The following NRG1 variants were observed in gnomAD, a reference collection of about 807,000 sequenced individuals.
NRG1 encodes the protein pro-neuregulin-1, membrane-bound isoform.
In NRG1, 18 loss-of-function variants were observed where a neutral mutation model predicts 63.8. The observed-to-expected ratio is 0.28, with a 90% CI of 0.19 to 0.42. The LOEUF (loss-of-function observed/expected upper bound fraction) is 0.42. Ranked by LOEUF, NRG1 falls within the 10% of genes least tolerant of loss-of-function variation. The probability of loss-of-function intolerance (pLI) is 1.00; values close to 1 mark genes in which losing one functional copy is unlikely to be tolerated. For synonymous variants in NRG1, 302 were observed against 301.3 expected, an observed-to-expected ratio of 1.00 and a Z score of -0.02; for missense variants, 762 against 814.7, an observed-to-expected ratio of 0.94 and a Z score of 0.79.
At chr8:31,652,402 T>C (rs1804942831) in intron 1 of NRG1, among the ~76,000 whole-genome samples, 1 of 152,248 alleles carries the variant, frequency 6.6e-6, no homozygotes, top group South Asian at 2.1e-4. Flanking sequence ...GAATAGATGG[T>C]ACTGTGCTTT....
In NRG1 at chr8:31,881,870, T is replaced by C. The variant is rs911305732; in HGVS notation, c.37+242439T>C. On this transcript the variant is annotated intron_variant, in intron 1 of 10. Transcript: ENST00000519301. ...AAGAAAAGTTGGAACCTGGCAGAGG[T>C]TGGTTCATGAGGTTTAAGGAAAGAA... is the stretch of plus-strand genomic sequence containing the variant. 3.9e-5 allele frequency among the ~76,000 whole-genome samples: 6 copies of C among 151,948 alleles called. No individual in the cohort carries two copies. In the East Asian group the frequency reaches 1.2e-3, roughly 29 times the overall value.
Position 32,071,553 on chromosome 8 carries a change from G to A in NRG1, c.37+432122G>A, listed in dbSNP as rs143014721. Reference sequence around the variant, plus strand: ...AATCATTCATGGCCCTTCCTTCTGCGCCGTTAACTAGGAAGTATAAAGTAC... The same window carrying A: ...AATCATTCATGGCCCTTCCTTCTGCACCGTTAACTAGGAAGTATAAAGTAC... On this transcript the variant is annotated intron_variant, in intron 1 of 10. Transcript: ENST00000519301. 4.6e-3 allele frequency among the ~76,000 whole-genome samples: 694 copies of A among 152,172 alleles called. 9 individuals are homozygous for A. The highest frequency in any genetic ancestry group is 7.3e-3 in the Non-Finnish European group (496 of 68,012).
chr8:31,710,912 T>C (rs779275554), intron 1 of NRG1, among the ~76,000 whole-genome samples: 2 of 152,144 alleles, frequency 1.3e-5, no homozygotes, highest in Non-Finnish European at 2.9e-5. Context: ...TCTTTCATTA[T>C]GTTGTCTGTG....
At chr8:32,341,736 G>A (rs1217068010) in intron 1 of NRG1, among the ~76,000 whole-genome samples, 1 of 152,178 alleles carries the variant, frequency 6.6e-6, no homozygotes, top group Admixed American at 6.5e-5. Flanking sequence ...TCGTTGAAGA[G>A]CAGATAAAGC....
intron 1 of NRG1, among the ~76,000 whole-genome samples, chr8:32,381,344 T>C (rs1563386295): frequency 6.6e-6 from 1 of 152,154 alleles, no homozygotes; most frequent in Non-Finnish European, 1.5e-5. Flanking sequence ...CACAGTCACA[T>C]CCACTCTCCT....
intron 1 of NRG1, among the ~76,000 whole-genome samples, chr8:31,709,817 G>C (rs1444722451): frequency 1.3e-5 from 2 of 151,014 alleles, no homozygotes; most frequent in Non-Finnish European, 3.0e-5. Context: ...TTTCATGTTT[G>C]TAGTTTGTTC....
intron 1 of NRG1, among the ~76,000 whole-genome samples, chr8:31,918,867 C>T (rs1833647746): frequency 1.3e-5 from 2 of 152,036 alleles, no homozygotes; most frequent in African/African-American, 4.8e-5. Flanking sequence ...TTGATTATTG[C>T]CACAATTTCA....
intron 1 of NRG1, among the ~76,000 whole-genome samples, chr8:32,491,993 A>G (rs372255545): frequency 2.6e-5 from 4 of 152,360 alleles, no homozygotes; most frequent in African/African-American, 9.6e-5. Context: ...TATATAACCA[A>G]GAAATATCAG....
At chr8:31,747,344 A>G (rs1259862242) in intron 1 of NRG1, among the ~76,000 whole-genome samples, 1 of 151,876 alleles carries the variant, frequency 6.6e-6, no homozygotes, top group Non-Finnish European at 1.5e-5. Context: ...GTGGGATTTC[A>G]CACAAGGCAC....
intron 1 of NRG1, among the ~76,000 whole-genome samples, chr8:32,409,884 G>C (rs1256552427): frequency 6.6e-6 from 1 of 152,148 alleles, no homozygotes; most frequent in Non-Finnish European, 1.5e-5. Flanking sequence ...CCGCAACCTT[G>C]CTGATGGATT....
chr8:31,788,361 T>C (rs954222647), intron 1 of NRG1, among the ~76,000 whole-genome samples: 2 of 152,130 alleles, frequency 1.3e-5, no homozygotes, highest in Non-Finnish European at 2.9e-5. Context: ...ACTTTCCCCA[T>C]GGTATTATTT....
chr8:32,587,930 G>GTTTTA lies in NRG1; in HGVS notation c.101-7894_101-7893insATTTT, dbSNP rs1364660560. 1.4e-4 allele frequency among the ~76,000 whole-genome samples: 22 copies of GTTTTA among 151,822 alleles called. No homozygotes were observed. The South Asian group carries it at 1.7e-3, about 11-fold the overall frequency. ...GGGTTTTTTTGTTTTGTTTTGTTTTGTTTTGTTTTGTTTTTTGAGACGGAC... is the reference window on the plus strand; with the variant it reads ...GGGTTTTTTTGTTTTGTTTTGTTTTGTTTTATTTTGTTTTGTTTTTTGAGACGGAC... On this transcript the variant is annotated intron_variant, in intron 1 of 11. Transcript: ENST00000356819.
At chr8:32,486,121 A>G (rs1381724487) in intron 1 of NRG1, among the ~76,000 whole-genome samples, 1 of 151,910 alleles carries the variant, frequency 6.6e-6, no homozygotes, top group Non-Finnish European at 1.5e-5. Flanking sequence ...TTTAGTAGAC[A>G]GGGTTTTGCC....
chr8:32,361,723 C>A (rs1807239350), intron 1 of NRG1, among the ~76,000 whole-genome samples: 1 of 152,192 alleles, frequency 6.6e-6, no homozygotes, highest in Admixed American at 6.5e-5. Context: ...ATGTTCATTG[C>A]TCAAACTTCC....
chr8:32,023,739 CT>C (rs1563690992), intron 1 of NRG1, among the ~76,000 whole-genome samples: 1 of 152,150 alleles, frequency 6.6e-6, no homozygotes, highest in East Asian at 1.9e-4. Context: ...AACACTCAGC[CT>C]TCTCTGGAAG....
intron 5 of NRG1, among the ~76,000 whole-genome samples, chr8:32,650,443 ACT>A (rs768149884): frequency 2.6e-5 from 4 of 151,934 alleles, no homozygotes; most frequent in Non-Finnish European, 4.4e-5. Context: ...CTATAAGGAA[ACT>A]CTGTTAATTT....
intron 1 of NRG1, among the ~76,000 whole-genome samples, chr8:32,121,242 G>A (rs953244425): frequency 3.3e-5 from 5 of 152,110 alleles, no homozygotes; most frequent in African/African-American, 4.8e-5. Context: ...TTTCCACTCC[G>A]TTCAGTGTGT....
chr8:31,786,866 G>T (rs1378513893), intron 1 of NRG1, among the ~76,000 whole-genome samples: 1 of 152,110 alleles, frequency 6.6e-6, no homozygotes, highest in African/African-American at 2.4e-5. Flanking sequence ...ATCCTTTTGG[G>T]TTTTTACAGA....
intron 1 of NRG1, among the ~76,000 whole-genome samples, chr8:32,157,953 C>T (rs1171137762): frequency 2.6e-5 from 4 of 152,098 alleles, no homozygotes; most frequent in Non-Finnish European, 4.4e-5. Context: ...ATTAGCTCTT[C>T]CTTATACACT....
Sources: allele counts gnomAD v4.1 joint callset (sites outside exome capture counted in the v4.1 genomes callset), GRCh38; gene constraint gnomAD v4.1.1; transcripts MANE v1.5; gene names NCBI Gene and HGNC (gene_info 2026-07-23, HGNC 2026-07-21).